Variants in NCALD observed in about 807,000 individuals in gnomAD.
NCALD encodes the protein neurocalcin delta, also known as neurocalcin-delta.
Under a neutral mutation model 18.6 loss-of-function variants are expected in NCALD, and 10 were observed. The observed-to-expected ratio is 0.54, with a 90% CI of 0.33 to 0.91. The LOEUF is 0.91. Among genes scored for constraint, NCALD ranks in the 40% least tolerant of loss-of-function variants. The pLI is 0.03. For synonymous variants in NCALD, 88 were observed against 87.4 expected (o/e 1.01, Z -0.04); for missense variants, 184 against 247.6 (o/e 0.74, Z 1.72).
At chr8:101,691,185 G>A (rs1814714515) in intron 3 of NCALD, 1 of 985,422 alleles carries the variant, frequency 1.0e-6, no homozygotes, top group Non-Finnish European at 1.2e-6. Context: ...TCTCCTGGTT[G>A]AGCTAAGATT....
At chr8:102,014,323 C>A in intron 2 of NCALD, among the ~76,000 whole-genome samples, 1 of 152,088 alleles carries the variant, frequency 6.6e-6, no homozygotes, top group East Asian at 1.9e-4. Flanking sequence ...GGGCAAAATT[C>A]CCATAGGTTT....
chr8:101,982,802 C>T (rs1053210581), intron 2 of NCALD, among the ~76,000 whole-genome samples: 3 of 150,716 alleles, frequency 2.0e-5, no homozygotes, highest in Non-Finnish European at 4.4e-5. Flanking sequence ...GATCACACCA[C>T]TGCACTCCAG....
At chr8:101,899,923 G>C (rs116776828) in intron 3 of NCALD, among the ~76,000 whole-genome samples, 2,469 of 151,832 alleles carry the variant, frequency 0.016, 61 homozygotes, top group African/African-American at 0.055. Flanking sequence ...TTATTTTCTA[G>C]AAGAGGTTGT....
At chr8:101,743,484 G>C (rs1175059078) in intron 1 of NCALD, among the ~76,000 whole-genome samples, 4 of 152,228 alleles carry the variant, frequency 2.6e-5, no homozygotes, top group African/African-American at 9.6e-5. Context: ...GGAGCAATTA[G>C]AATTGTTGGG....
At chr8:101,694,547 G>A (rs1302156243) in intron 2 of NCALD, among the ~76,000 whole-genome samples, 2 of 152,150 alleles carry the variant, frequency 1.3e-5, no homozygotes, top group Non-Finnish European at 2.9e-5. Flanking sequence ...TGTGCTTACT[G>A]AACTCCATAG....
Position 101,789,905 on chromosome 8 carries a change from G to A in NCALD, c.-20+957C>T, listed in dbSNP as rs144987809. ...AACTACAATACAAAGAAAACAATTT[G>A]TAGTAAATAGTATTATAGGAATAAA... On this transcript the variant is annotated intron_variant, in intron 1 of 3. Transcript: ENST00000220931. 7.4e-3 allele frequency among the ~76,000 whole-genome samples: 1,120 copies of A among 152,234 alleles called. 8 individuals are homozygous for A. Among genetic ancestry groups the A allele is most frequent in the Middle Eastern group, 0.041 (12 of 294 alleles).
intron 1 of NCALD, among the ~76,000 whole-genome samples, chr8:102,056,129 A>G (rs1823641770): frequency 6.6e-6 from 1 of 152,236 alleles, no homozygotes; most frequent in East Asian, 1.9e-4. Flanking sequence ...CTTCTTAGAA[A>G]TTATCCAAAA....
chr8:101,982,038 C>G (rs1035774391), intron 2 of NCALD, among the ~76,000 whole-genome samples: 1 of 152,142 alleles, frequency 6.6e-6, no homozygotes, highest in Non-Finnish European at 1.5e-5. Context: ...GGCACCTCCT[C>G]TGTCTCTTTC....
chr8:101,725,683 C>T lies in NCALD; in HGVS notation c.-19-6035G>A, dbSNP rs531013887. ...CAAAAAGGCTCACTTCGGCCCCACA[C>T]CTTCTTGCCTGCATGCTCCCCATCT... is the stretch of plus-strand genomic sequence containing the variant. On this transcript the variant is annotated intron_variant, in intron 1 of 3. Transcript: ENST00000220931. 4.6e-5 allele frequency among the ~76,000 whole-genome samples: 7 copies of T among 152,304 alleles called. No homozygotes were observed. In the East Asian group the frequency reaches 1.4e-3, roughly 29 times the overall value.
chr8:101,952,540 CA>C (rs1819469962), intron 2 of NCALD, among the ~76,000 whole-genome samples: 1 of 152,172 alleles, frequency 6.6e-6, no homozygotes, highest in South Asian at 2.1e-4. Flanking sequence ...CCAGTGTTGA[CA>C]CCCCCAGGCC....
chr8:101,752,561 T>C (rs1485472406), intron 1 of NCALD, among the ~76,000 whole-genome samples: 2 of 152,198 alleles, frequency 1.3e-5, no homozygotes, highest in African/African-American at 4.8e-5. Context: ...GTATCAGAAA[T>C]CCAGGAGTGG....
At chr8:101,899,909 T>C (rs1194742506) in intron 3 of NCALD, among the ~76,000 whole-genome samples, 1 of 151,912 alleles carries the variant, frequency 6.6e-6, no homozygotes, top group Non-Finnish European at 1.5e-5. Context: ...TATTTCCTCA[T>C]CTTTTATTTT....
At chr8:101,857,254 C>T (rs1217698340) in intron 4 of NCALD, among the ~76,000 whole-genome samples, 1 of 152,180 alleles carries the variant, frequency 6.6e-6, no homozygotes, top group Admixed American at 6.5e-5. Flanking sequence ...TTTAGATTCA[C>T]AGTTCTTCTG....
Position 101,719,173 on chromosome 8 carries a change from C to T in NCALD, c.378+79G>A. 4.0e-6 allele frequency: 6 copies of T among 1,515,226 alleles called. No homozygotes were observed. In the South Asian group the frequency reaches 8.0e-5, roughly 20 times the overall value. 93.9% of individuals were successfully genotyped at this position (1,515,226 alleles called of 1,614,324 possible). On this transcript the variant is annotated intron_variant, in intron 2 of 3. Coordinates refer to ENST00000220931, the MANE Select transcript of NCALD (RefSeq NM_032041.3). Reference sequence around the variant, plus strand: ...GTGACTCACCAGTTTGCAACCTCTGCACCGTGCTATACTGTGCACCTTCCA... The same window carrying T: ...GTGACTCACCAGTTTGCAACCTCTGTACCGTGCTATACTGTGCACCTTCCA...
intron 2 of NCALD, among the ~76,000 whole-genome samples, chr8:102,005,324 G>A (rs558185223): frequency 3.3e-5 from 5 of 152,298 alleles, no homozygotes; most frequent in East Asian, 3.9e-4. Flanking sequence ...AAACCACAAT[G>A]AGATACTATC....
At chr8:101,864,184 G>C (rs887330560) in intron 4 of NCALD, among the ~76,000 whole-genome samples, 2 of 152,106 alleles carry the variant, frequency 1.3e-5, no homozygotes, top group African/African-American at 4.8e-5. Context: ...CCTGCTATAC[G>C]GTGGCTCAAA....
intron 4 of NCALD, among the ~76,000 whole-genome samples, chr8:101,833,960 A>G (rs1176121245): frequency 1.3e-5 from 2 of 152,202 alleles, no homozygotes; most frequent in Non-Finnish European, 2.9e-5. Flanking sequence ...GGCTTCTGCT[A>G]CTTGTGAGAA....
Position 101,945,046 on chromosome 8 carries a change from G to A in NCALD, c.-156-29188C>T, listed in dbSNP as rs146056143. On this transcript the variant is annotated intron_variant, in intron 2 of 6. Transcript: ENST00000311028. The stretch of plus-strand genomic sequence containing the variant: ...CAGCTGGCCTATCAGAGCAATGTTC[G>A]TGTCCTACGTGACATCTGTTAAGAG... Among the ~76,000 whole-genome samples the A allele has an allele frequency of 7.9e-5, 12 of 152,294 alleles. No individual in the cohort carries two copies. In the Middle Eastern group the frequency reaches 0.01, roughly 130 times the overall value.
At chr8:101,779,892 A>C (rs1440612818) in intron 1 of NCALD, 1 of 152,110 alleles carries the variant, frequency 6.6e-6, no homozygotes, top group Non-Finnish European at 1.5e-5. Flanking sequence ...ATTTTTAATA[A>C]ATTAAAATTA....
Sources: allele counts gnomAD v4.1 joint callset (sites outside exome capture counted in the v4.1 genomes callset), GRCh38; gene constraint gnomAD v4.1.1; transcripts MANE v1.5; gene names NCBI Gene and HGNC (gene_info 2026-07-23, HGNC 2026-07-21).